The following DENND4C variants were observed in gnomAD, a reference collection of about 807,000 sequenced individuals.
The protein encoded by DENND4C is DENN domain containing 4C.
In DENND4C, 108 loss-of-function variants were observed where a neutral mutation model predicts 203.0. The observed-to-expected ratio is 0.53, with a 90% CI of 0.46 to 0.62. DENND4C has a LOEUF of 0.62. Among genes scored for constraint, DENND4C ranks in the 20% least tolerant of loss-of-function variants. The pLI, the probability that DENND4C is intolerant of heterozygous loss-of-function variation, is 0.00. For missense variants in DENND4C, 2,481 were observed against 2,301.2 expected, an observed-to-expected ratio of 1.08 and a Z score of -1.60; for synonymous variants, 871 against 792.4, an observed-to-expected ratio of 1.10 and a Z score of -1.67.
intron 1 of DENND4C, among the ~76,000 whole-genome samples, chr9:19,254,969 C>T (rs1025260254): frequency 6.6e-6 from 1 of 151,898 alleles, no homozygotes; most frequent in Admixed American, 6.6e-5. Flanking sequence ...CCTGTCTGTA[C>T]TAAAAATACA....
chr9:19,311,866 G>A lies in DENND4C; in HGVS notation c.1488-4551G>A, dbSNP rs544537471. On this transcript the variant is annotated intron_variant, in intron 10 of 32. Coordinates refer to ENST00000434457, the MANE Select transcript of DENND4C (RefSeq NM_001330640.2). The stretch of plus-strand genomic sequence containing the variant: ...GATATATATGATGACAGCTTCTATG[G>A]AGGATATCTGGCAACATTTGTCAAA... 3.3e-5 allele frequency among the ~76,000 whole-genome samples: 5 copies of A among 152,304 alleles called. No homozygotes were observed. The South Asian group carries it at 1.0e-3, about 32-fold the overall frequency.
intron 1 of DENND4C, among the ~76,000 whole-genome samples, chr9:19,239,686 C>T (rs1446830163): frequency 3.9e-5 from 6 of 152,140 alleles, no homozygotes; most frequent in East Asian, 1.9e-4. Context: ...GGGGTTTCAT[C>T]GTGTTGGCCA....
intron 10 of DENND4C, among the ~76,000 whole-genome samples, chr9:19,314,024 G>T (rs1399055784): frequency 2.0e-5 from 3 of 152,282 alleles, no homozygotes; most frequent in East Asian, 1.9e-4. Context: ...AGAGGTTGCA[G>T]TGAGCTGAGA....
chr9:19,267,137 A>G lies in DENND4C; in HGVS notation c.-17-9021A>G, dbSNP rs187688695. ...AGTATCTGTTTGGTCCATTTAGTCT[A>G]TAGTGCAGATTCAGTCAAATGTTTC... On this transcript the variant is annotated intron_variant, in intron 1 of 32. Coordinates refer to ENST00000434457, the MANE Select transcript of DENND4C (RefSeq NM_001330640.2). Among the ~76,000 whole-genome samples, 107 of 152,316 alleles carry G rather than the reference A, an allele frequency of 7.0e-4. 1 individual carries two copies. The highest frequency in any genetic ancestry group is 1.2e-3 in the Non-Finnish European group (84 of 68,022).
At chr9:19,256,842 A>G (rs372681702) in intron 1 of DENND4C, among the ~76,000 whole-genome samples, 3 of 151,886 alleles carry the variant, frequency 2.0e-5, no homozygotes, top group South Asian at 4.2e-4. Flanking sequence ...AGGCCGAGGC[A>G]GGTGGATCAC....
chr9:19,343,446 G>T (rs774878737), intron 22 of DENND4C, among the ~76,000 whole-genome samples: 8 of 152,196 alleles, frequency 5.3e-5, no homozygotes, highest in Non-Finnish European at 1.2e-4. Flanking sequence ...GGCTGCAGTT[G>T]ACTTTTCTGA....
At chr9:19,269,033 C>T (rs994968978) in intron 1 of DENND4C, among the ~76,000 whole-genome samples, 4 of 152,278 alleles carry the variant, frequency 2.6e-5, no homozygotes. Flanking sequence ...ACATACTTCT[C>T]TCTACCTTTT....
chr9:19,276,738 A>G (rs530663331), intron 2 of DENND4C: 1 of 265,588 alleles, frequency 3.8e-6, no homozygotes, highest in African/African-American at 2.2e-5. Flanking sequence ...TTGACCCTAA[A>G]GTGTCATTTT....
At chr9:19,329,431 T>G (rs183904181) in intron 16 of DENND4C, among the ~76,000 whole-genome samples, 7 of 152,384 alleles carry the variant, frequency 4.6e-5, no homozygotes, top group Non-Finnish European at 1.0e-4. Flanking sequence ...TGTGTGGATA[T>G]ACCATATTTT....
At chr9:19,344,555 C>T (rs1822375966) in intron 22 of DENND4C, among the ~76,000 whole-genome samples, 1 of 152,186 alleles carries the variant, frequency 6.6e-6, no homozygotes, top group South Asian at 2.1e-4. Flanking sequence ...AGTGTAGTGG[C>T]ACAGTCATGG....
In DENND4C at chr9:19,369,781, AATAAT is replaced by A. The variant is rs1563849969; in HGVS notation, c.5525-54_5525-50del. 9.7e-6 allele frequency: 10 copies of A among 1,030,326 alleles called. No homozygotes were observed. In the Admixed American group the frequency reaches 1.8e-4, roughly 19 times the overall value. 63.8% of individuals were successfully genotyped at this position (1,030,326 alleles called of 1,614,324 possible). The stretch of plus-strand genomic sequence containing the variant: ...GATGTTGTCTCAAAAAAAAAAAAAT[AATAAT>A]AATAATAATAGTAATAATTGAAAAA... On this transcript the variant is annotated intron_variant, in intron 30 of 32. Coordinates refer to ENST00000434457, the MANE Select transcript of DENND4C (RefSeq NM_001330640.2).
chr9:19,312,078 G>GA (rs550170763), intron 10 of DENND4C, among the ~76,000 whole-genome samples: 32 of 152,144 alleles, frequency 2.1e-4, no homozygotes, highest in African/African-American at 6.5e-4. Flanking sequence ...TCTGTATTGG[G>GA]AAAAAAATCA....
At chr9:19,324,543 A>AG (rs765160034) in intron 13 of DENND4C, 36 bp downstream of exon 13, 2 of 1,582,128 alleles carry the variant, frequency 1.3e-6, no homozygotes, top group African/African-American at 2.7e-5. Flanking sequence ...TTTAGAAAAA[A>AG]AAGTTTGCCT....
chr9:19,287,171 T>C (rs893412859), intron 3 of DENND4C, 150 bp downstream of exon 3: 6 of 780,604 alleles, frequency 7.7e-6, no homozygotes, highest in Non-Finnish European at 1.0e-5. Flanking sequence ...TTGTAATAAT[T>C]TTTAAAGTCC....
rs1487438310 is a variant in DENND4C at position 19,332,020 on chromosome 9, A to C, written c.2296A>C (p.Asn766His). 6.2e-7 allele frequency: 1 copy of C among 1,614,058 alleles called. No individual in the cohort carries two copies. The highest frequency in any genetic ancestry group is 1.7e-5 in the Admixed American group (1 of 60,026). Reference protein sequence around the residue: ...AHKLAKRCYTNPPQWAKCLFS... With the variant: ...AHKLAKRCYTHPPQWAKCLFS... ...TAAATTGGCGAAGAGATGTTATACAAATCCACCACAGTGGGCCAAGTGTCT... is the reference window on the plus strand; with the variant it reads ...TAAATTGGCGAAGAGATGTTATACACATCCACCACAGTGGGCCAAGTGTCT... The change falls in exon 17 of 33, where the codon AAT becomes CAT. Residue 766 changes from asparagine to histidine, a missense_variant. Around this residue, in one of 3 missense-constraint regions of DENND4C, gnomAD observed 2,289 missense variants for 2,113.3 expected, o/e 1.08. Coordinates refer to ENST00000434457, the MANE Select transcript of DENND4C (RefSeq NM_001330640.2).
intron 9 of DENND4C, among the ~76,000 whole-genome samples, chr9:19,302,587 G>C (rs1223616321): frequency 6.6e-6 from 1 of 151,914 alleles, no homozygotes; most frequent in Admixed American, 6.6e-5. Context: ...GTCCTTGCAG[G>C]ATCCTTTGTG....
At chr9:19,360,614 T>G in intron 29 of DENND4C, 125 bp downstream of exon 29, 3 of 1,303,680 alleles carry the variant, frequency 2.3e-6, no homozygotes, top group Non-Finnish European at 3.2e-6. Flanking sequence ...CTTAAAAGTT[T>G]GGATAAGCAG....
At chr9:19,336,010 C>T (rs1050208014) in intron 18 of DENND4C, among the ~76,000 whole-genome samples, 3 of 151,864 alleles carry the variant, frequency 2.0e-5, no homozygotes, top group Non-Finnish European at 4.4e-5. Context: ...GTTCTTTTGT[C>T]CACATCCTTA....
chr9:19,254,925 G>A (rs1018414265), intron 1 of DENND4C, among the ~76,000 whole-genome samples: 5 of 150,584 alleles, frequency 3.3e-5, no homozygotes, highest in Non-Finnish European at 7.4e-5. Context: ...TTGAGGTCAG[G>A]AGTTCAGGAC....
Sources: allele counts gnomAD v4.1 joint callset (sites outside exome capture counted in the v4.1 genomes callset), GRCh38; gene constraint gnomAD v4.1.1; regional missense constraint gnomAD v4.1.1; transcripts MANE v1.5; gene names NCBI Gene and HGNC (gene_info 2026-07-23, HGNC 2026-07-21).